The following ZC3H12B variants were observed in gnomAD, a reference collection of about 807,000 sequenced individuals.
ZC3H12B encodes probable ribonuclease ZC3H12B.
ZC3H12B carries 7 observed loss-of-function variants against 43.9 expected under a neutral mutation model. That is an observed-to-expected ratio of 0.16 (90% CI 0.09 to 0.30). The LOEUF is 0.30. Among genes scored for constraint, ZC3H12B ranks in the 10% least tolerant of loss-of-function variants. The pLI, the probability that ZC3H12B is intolerant of heterozygous loss-of-function variation, is 1.00. For missense variants in ZC3H12B, 475 were observed against 670.2 expected, an observed-to-expected ratio of 0.71 and a Z score of 3.22; for synonymous variants, 222 against 241.7, an observed-to-expected ratio of 0.92 and a Z score of 0.76.
At chrX:65,476,308 T>A (rs1033228393) in intron 3 of ZC3H12B, among the ~76,000 whole-genome samples, 1 of 112,249 alleles carries the variant, frequency 8.9e-6, no homozygotes, top group Admixed American at 9.5e-5. Context: ...TTCTTTTTAC[T>A]TTTTGTCTTT....
At chrX:65,383,479 T>A (rs910105808) in intron 2 of ZC3H12B, among the ~76,000 whole-genome samples, 3 of 111,685 alleles carry the variant, frequency 2.7e-5, no homozygotes, top group African/African-American at 9.8e-5. Flanking sequence ...CTTAAACGTT[T>A]GACCTAATAC....
chrX:65,212,109 A>T, the ZC3H12B span, among the ~76,000 whole-genome samples: 2 of 58,144 alleles, frequency 3.4e-5, no homozygotes, highest in African/African-American at 7.2e-5. Flanking sequence ...TATATATTGT[A>T]TAATATATAG....
chrX:65,432,792 A>T (rs1223006236), intron 3 of ZC3H12B, among the ~76,000 whole-genome samples: 1 of 112,144 alleles, frequency 8.9e-6, no homozygotes, highest in Non-Finnish European at 1.9e-5. Context: ...GGGTAGAAGG[A>T]CAAATTCATT....
the ZC3H12B span, among the ~76,000 whole-genome samples, chrX:65,308,931 T>G: frequency 8.0e-5 from 9 of 112,013 alleles, no homozygotes; most frequent in Admixed American, 8.5e-4. Context: ...AGATGTTCTT[T>G]GAAACCAATG....
At chrX:65,248,600 G>A in the ZC3H12B span, among the ~76,000 whole-genome samples, 2 of 111,500 alleles carry the variant, frequency 1.8e-5, no homozygotes, top group Non-Finnish European at 3.8e-5. Flanking sequence ...TACATCTCAT[G>A]GCATGTCAAA....
chrX:65,348,961 C>T, the ZC3H12B span, among the ~76,000 whole-genome samples: 1 of 111,124 alleles, frequency 9.0e-6, no homozygotes, highest in Non-Finnish European at 1.9e-5. Context: ...GACAGATCAA[C>T]GAGACAGAAA....
chrX:65,102,668 A>T, the ZC3H12B span, among the ~76,000 whole-genome samples: 69 of 111,929 alleles, frequency 6.2e-4, no homozygotes, highest in Non-Finnish European at 6.2e-4. Flanking sequence ...ACCTAGGAAT[A>T]CAACTTACAA....
the ZC3H12B span, among the ~76,000 whole-genome samples, chrX:65,284,547 A>T: frequency 8.9e-6 from 1 of 111,807 alleles, no homozygotes; most frequent in African/African-American, 3.3e-5. Flanking sequence ...AGATCACCTG[A>T]GGTCAGGTGT....
the ZC3H12B span, among the ~76,000 whole-genome samples, chrX:65,168,259 T>A: frequency 2.7e-5 from 3 of 112,259 alleles, no homozygotes; most frequent in African/African-American, 6.5e-5. Context: ...CTGTTGAATT[T>A]TTTCCATGGC....
At chrX:65,407,620 C>G (rs1206329246) in intron 3 of ZC3H12B, among the ~76,000 whole-genome samples, 1 of 113,589 alleles carries the variant, frequency 8.8e-6, no homozygotes, top group Non-Finnish European at 1.9e-5. Context: ...GGGGAAAACC[C>G]GAAGAGGAGG....
the ZC3H12B span, among the ~76,000 whole-genome samples, chrX:65,326,830 A>T: frequency 2.7e-5 from 3 of 111,615 alleles, no homozygotes; most frequent in African/African-American, 9.7e-5. Flanking sequence ...TAGAAACCTG[A>T]CTTTTAATAG....
intron 3 of ZC3H12B, among the ~76,000 whole-genome samples, chrX:65,432,873 A>G (rs1473378356): frequency 8.9e-6 from 1 of 111,944 alleles, no homozygotes; most frequent in Admixed American, 9.5e-5. Context: ...CCTATGTCCA[A>G]TCAGTATAAG....
chrX:65,071,837 C>T, the ZC3H12B span, among the ~76,000 whole-genome samples: 1 of 111,746 alleles, frequency 8.9e-6, no homozygotes, highest in African/African-American at 3.3e-5. Context: ...GTCTGATGGG[C>T]TTCTATTTGT....
chrX:65,133,134 G>A, the ZC3H12B span, among the ~76,000 whole-genome samples: 1 of 111,476 alleles, frequency 9.0e-6, no homozygotes, highest in African/African-American at 3.3e-5. Flanking sequence ...GGAATGCGTG[G>A]CCACTGTGGT....
At chrX:65,260,856 C>G in the ZC3H12B span, among the ~76,000 whole-genome samples, 215 of 111,383 alleles carry the variant, frequency 1.9e-3, 1 homozygote, top group African/African-American at 6.6e-3. Flanking sequence ...TGACTTTGGA[C>G]AAATTAGAAA....
the ZC3H12B span, among the ~76,000 whole-genome samples, chrX:65,296,949 A>G: frequency 1.8e-5 from 2 of 111,378 alleles, no homozygotes; most frequent in East Asian, 2.8e-4. Flanking sequence ...AAATCTAACA[A>G]CTCTTTATGA....
chrX:65,152,703 G>A, the ZC3H12B span, among the ~76,000 whole-genome samples: 2 of 110,896 alleles, frequency 1.8e-5, no homozygotes, highest in Non-Finnish European at 3.8e-5. Context: ...CAAGCTACCA[G>A]ACTTTCTTCA....
chrX:65,375,659 G>T (rs1347293016), intron 2 of ZC3H12B, among the ~76,000 whole-genome samples: 1 of 111,406 alleles, frequency 9.0e-6, no homozygotes, highest in Non-Finnish European at 1.9e-5. Flanking sequence ...GTAGGCCTTA[G>T]TTCCTGGATG....
the ZC3H12B span, among the ~76,000 whole-genome samples, chrX:65,349,279 C>A: frequency 9.0e-6 from 1 of 111,624 alleles, no homozygotes; most frequent in Non-Finnish European, 1.9e-5. Context: ...GGGTAAATAA[C>A]AAAATGAAGG....
Sources: allele counts gnomAD v4.1 joint callset (sites outside exome capture counted in the v4.1 genomes callset), GRCh38; gene constraint gnomAD v4.1.1; transcripts MANE v1.5; gene names NCBI Gene and HGNC (gene_info 2026-07-23, HGNC 2026-07-21).